The following TPX2 variants were observed in gnomAD, a reference collection of about 807,000 sequenced individuals.
TPX2 encodes the protein targeting protein for Xklp2.
TPX2 carries 21 observed loss-of-function variants against 93.6 expected under a neutral mutation model. The observed-to-expected ratio is 0.22, with a 90% CI of 0.16 to 0.32. The LOEUF (loss-of-function observed/expected upper bound fraction) is 0.32, where lower values mean the gene tolerates loss of function less well. Among genes scored for constraint, TPX2 ranks in the 10% least tolerant of loss-of-function variants. TPX2 has a pLI of 1.00. For synonymous variants in TPX2, 281 were observed against 298.3 expected (o/e 0.94, Z 0.60); for missense variants, 776 against 871.1 (o/e 0.89, Z 1.37).
intron 9 of TPX2, 114 bp downstream of exon 9, chr20:31,777,752 C>A: frequency 1.4e-5 from 15 of 1,079,692 alleles, no homozygotes; most frequent in Non-Finnish European, 1.8e-5. Context: ...AACCTTGTGT[C>A]TATAAAGTTG....
At chr20:31,765,704 G>T (rs1177007683) in intron 4 of TPX2, among the ~76,000 whole-genome samples, 1 of 152,206 alleles carries the variant, frequency 6.6e-6, no homozygotes, top group African/African-American at 2.4e-5. Context: ...CAATAACTGT[G>T]ATGCAGTTGC....
intron 2 of TPX2, among the ~76,000 whole-genome samples, chr20:31,747,731 A>G (rs754056865): frequency 6.7e-5 from 10 of 149,360 alleles, no homozygotes; most frequent in Admixed American, 5.3e-4. Flanking sequence ...TTGCTTGGCA[A>G]CTTGATTTGT....
intron 13 of TPX2, among the ~76,000 whole-genome samples, chr20:31,793,274 G>T (rs1018045273): frequency 3.9e-5 from 6 of 152,148 alleles, no homozygotes; most frequent in Non-Finnish European, 8.8e-5. Context: ...GATCGTTTAT[G>T]GAATTGTAAT....
At chr20:31,786,988 C>G (rs899813293) in intron 12 of TPX2, among the ~76,000 whole-genome samples, 1 of 151,988 alleles carries the variant, frequency 6.6e-6, no homozygotes, top group South Asian at 2.1e-4. Context: ...ATTACATAAA[C>G]AGATTTGTTG....
chr20:31,756,125 T>C lies in TPX2; in HGVS notation c.-70-1282T>C, dbSNP rs138907629. 1.5e-4 allele frequency among the ~76,000 whole-genome samples: 23 copies of C among 152,342 alleles called. No individual in the cohort carries two copies. In the Middle Eastern group the frequency reaches 0.014, roughly 90 times the overall value. ...ACAAAACTGTGTTGAACTCTTACTA[T>C]GTATAATGCACTGTGTTAAGCACCT... On this transcript the variant is annotated intron_variant, in intron 2 of 17. Coordinates refer to ENST00000300403, the MANE Select transcript of TPX2 (RefSeq NM_012112.5).
At chr20:31,743,700 G>A (rs1051013387) in intron 2 of TPX2, among the ~76,000 whole-genome samples, 4 of 150,544 alleles carry the variant, frequency 2.7e-5, no homozygotes, top group Non-Finnish European at 4.4e-5. Flanking sequence ...CTCAAAAAAA[G>A]TCTGTACATA....
Position 31,775,888 on chromosome 20 carries a change from T to C in TPX2, c.630T>C (p.Thr210=), listed in dbSNP as rs1423980766. ...TTAGGCAGAAGTTTCTAAAAAGTAC[T>C]GAGGAGCAAGAGCTGGAGAAGAGTA... The part of the protein sequence containing the change: ...PPAKQKFLKS[T]EEQELEKSMK... The change falls in exon 8 of 18, where the codon ACT becomes ACC. Residue 210 remains threonine, a synonymous_variant. Coordinates refer to ENST00000300403, the MANE Select transcript of TPX2 (RefSeq NM_012112.5). The C allele has an allele frequency of 6.3e-7, 1 of 1,596,642 alleles. No homozygotes were observed. Among genetic ancestry groups the C allele is most frequent in the African/African-American group, 1.3e-5 (1 of 74,440 alleles).
intron 4 of TPX2, among the ~76,000 whole-genome samples, chr20:31,763,996 G>A (rs570476336): frequency 5.9e-5 from 9 of 151,836 alleles, no homozygotes; most frequent in African/African-American, 2.2e-4. Flanking sequence ...TCCAGCCTGG[G>A]CGATAGAGCA....
intron 2 of TPX2, among the ~76,000 whole-genome samples, chr20:31,756,825 C>T (rs987393363): frequency 1.3e-5 from 2 of 151,938 alleles, no homozygotes; most frequent in Non-Finnish European, 2.9e-5. Flanking sequence ...AGAGGTTTTG[C>T]CATGTTGGTC....
chr20:31,787,034 G>C (rs2062071625), intron 12 of TPX2, among the ~76,000 whole-genome samples: 1 of 151,972 alleles, frequency 6.6e-6, no homozygotes, highest in African/African-American at 2.4e-5. Context: ...AAAGCACTGA[G>C]TATGGTGCCT....
intron 6 of TPX2, among the ~76,000 whole-genome samples, chr20:31,771,325 C>G (rs190362450): frequency 6.1e-4 from 93 of 152,222 alleles, no homozygotes; most frequent in African/African-American, 2.1e-3. Context: ...CTTACTCTTC[C>G]AAACCACCAC....
At chr20:31,746,527 T>G (rs1001553324) in intron 2 of TPX2, among the ~76,000 whole-genome samples, 1 of 152,028 alleles carries the variant, frequency 6.6e-6, no homozygotes, top group Non-Finnish European at 1.5e-5. Context: ...CTGTTTATTC[T>G]ATTATATTAC....
chr20:31,798,417 G>T lies in TPX2; in HGVS notation c.1998G>T (p.Lys666Asn). Residue 666 changes from lysine (K) to asparagine (N), a missense_variant, in exon 17 of 18, where the codon AAG becomes AAT. Transcript: ENST00000300403. ...AACCTTTTCAGCTGGCTACTGAGAA[G>T]AGAGCCAAAGAGCGGCAGGAGCTGG... Reference protein sequence around the residue: ...VQEPFQLATEKRAKERQELEK... With the variant: ...VQEPFQLATENRAKERQELEK... 6.2e-7 allele frequency: 1 copy of T among 1,614,132 alleles called. No homozygotes were observed. Among genetic ancestry groups the T allele is most frequent in the Non-Finnish European group, 8.5e-7 (1 of 1,180,044 alleles).
intron 15 of TPX2, among the ~76,000 whole-genome samples, chr20:31,797,097 TATAATA>T (rs1288819164): frequency 6.6e-6 from 1 of 151,002 alleles, no homozygotes; most frequent in Non-Finnish European, 1.5e-5. Flanking sequence ...AAACTTAAAG[TATAATA>T]ATAAGAAAAA....
At chr20:31,757,057 AG>A (rs2061856513) in intron 2 of TPX2, among the ~76,000 whole-genome samples, 1 of 152,120 alleles carries the variant, frequency 6.6e-6, no homozygotes, top group African/African-American at 2.4e-5. Flanking sequence ...TTTTAGAGAC[AG>A]GGTCAACTGT....
chr20:31,773,464 G>A (rs1031249667), intron 7 of TPX2, among the ~76,000 whole-genome samples: 30 of 151,018 alleles, frequency 2.0e-4, no homozygotes, highest in African/African-American at 6.8e-4. Context: ...GCTAATTTTT[G>A]TATTTTTAGT....
At position 31,776,000 on chromosome 20, in the gene TPX2, T is replaced by C. The variant is rs376039270; in HGVS notation, c.730+12T>C. On this transcript the variant is annotated intron_variant, in intron 8 of 17. Transcript: ENST00000300403. ...TCTGGCTGGAATAGGTGAGCTTGGC[T>C]GTGGTTGAGTCTGATTCATGAGGGG... 8.2e-5 allele frequency: 118 copies of C among 1,447,480 alleles called. No homozygotes were observed. The highest frequency in any genetic ancestry group is 5.8e-4 in the Admixed American group (28 of 48,578). 89.7% of individuals were successfully genotyped at this position (1,447,480 alleles called of 1,614,324 possible). A position where few individuals can be genotyped will look rare whatever the true frequency, so the allele number is the denominator to read the frequency against.
chr20:31,764,632 G>C (rs2061912782), intron 4 of TPX2, among the ~76,000 whole-genome samples: 1 of 151,946 alleles, frequency 6.6e-6, no homozygotes. Context: ...CATATAATTG[G>C]GTCTTGCTTT....
Position 31,792,085 on chromosome 20 carries a change from G to A in TPX2, c.1414-650G>A, listed in dbSNP as rs183237346. On this transcript the variant is annotated intron_variant, in intron 12 of 17. Transcript: ENST00000300403. ...GGAAAAATCTTCAGGGTAGTTGAAT[G>A]TGTTGGAATTATGAGATATAAGGCT... Among the ~76,000 whole-genome samples the A allele has an allele frequency of 1.6e-3, 247 of 152,336 alleles. 2 individuals are homozygous for A. Among genetic ancestry groups the A allele is most frequent in the African/African-American group, 5.7e-3 (238 of 41,560 alleles).
Sources: allele counts gnomAD v4.1 joint callset (sites outside exome capture counted in the v4.1 genomes callset), GRCh38; gene constraint gnomAD v4.1.1; transcripts MANE v1.5; gene names NCBI Gene and HGNC (gene_info 2026-07-23, HGNC 2026-07-21).